SNX29: variants seen among roughly 807,000 people sequenced by gnomAD.
SNX29 encodes sorting nexin-29.
SNX29 carries 78 observed loss-of-function variants against 102.1 expected under a neutral mutation model. The ratio of observed to expected loss-of-function variants is 0.76; its 90% CI spans 0.64 to 0.92. The LOEUF (loss-of-function observed/expected upper bound fraction) is 0.92, where lower values mean the gene tolerates loss of function less well. SNX29 is among the 40% of genes least tolerant of loss of function. The pLI is 0.00. For missense variants in SNX29, 1,280 were observed against 1,061.7 expected (o/e 1.21, Z -2.86); for synonymous variants, 580 against 414.5 (o/e 1.40, Z -4.85).
At chr16:12,136,291 T>C (rs1376407066) in intron 13 of SNX29, among the ~76,000 whole-genome samples, 1 of 152,224 alleles carries the variant, frequency 6.6e-6, no homozygotes, top group African/African-American at 2.4e-5. Context: ...TAAAGCACCC[T>C]GTTGATGCGT....
chr16:12,569,119 TTGCGGGG>T lies in SNX29; in HGVS notation c.*491_*497del, dbSNP rs2079129800. The T allele has an allele frequency of 1.1e-4, 2 of 17,866 alleles. No homozygotes were observed. The highest frequency in any genetic ancestry group is 2.3e-4 in the East Asian group (1 of 4,318). 1.1% of individuals were successfully genotyped at this position (17,866 alleles called of 1,614,324 possible). A position where few individuals can be genotyped will look rare whatever the true frequency, so the allele number is the denominator to read the frequency against. On this transcript the variant is annotated 3_prime_UTR_variant, in exon 21 of 21. Transcript: ENST00000566228. ...TGGCCTAACCTAGGGATGGCTGGCTTTGCGGGGGGGGGGGGGGGGGGGGGCATGGTTC... is the reference window on the plus strand; with the variant it reads ...TGGCCTAACCTAGGGATGGCTGGCTTGGGGGGGGGGGGGGGGGCATGGTTC...
chr16:12,263,160 C>T (rs1487592930), intron 14 of SNX29, among the ~76,000 whole-genome samples: 4 of 143,090 alleles, frequency 2.8e-5, no homozygotes, highest in African/African-American at 7.9e-5. Flanking sequence ...GAGACAGGAT[C>T]TCACTCTGTC....
At chr16:12,238,778 C>T (rs976386690) in intron 14 of SNX29, among the ~76,000 whole-genome samples, 2 of 152,192 alleles carry the variant, frequency 1.3e-5, no homozygotes, top group African/African-American at 4.8e-5. Context: ...AACAACGTAT[C>T]TTTCCTAGAA....
At chr16:12,530,930 A>G (rs2076915363) in intron 20 of SNX29, among the ~76,000 whole-genome samples, 1 of 152,122 alleles carries the variant, frequency 6.6e-6, no homozygotes, top group Non-Finnish European at 1.5e-5. Context: ...CTGTTTCATA[A>G]TTTATTTCAC....
At chr16:12,564,656 G>A (rs2078916232) in intron 20 of SNX29, among the ~76,000 whole-genome samples, 1 of 152,164 alleles carries the variant, frequency 6.6e-6, no homozygotes, top group South Asian at 2.1e-4. Context: ...GAGCAGGAAT[G>A]GAACATATCT....
rs183772469 is a variant in SNX29, at chr16:12,302,722, T to C, written c.1782+24686T>C. 8.0e-4 allele frequency among the ~76,000 whole-genome samples: 122 copies of C among 152,372 alleles called. 2 individuals are homozygous for C. The highest frequency in any genetic ancestry group is 1.2e-3 in the Admixed American group (18 of 15,312). On this transcript the variant is annotated intron_variant, in intron 15 of 20. Transcript: ENST00000566228. ...GGGAACACAAACATTCAGACCATAG[T>C]TTCTCCTGTTCTTTCACTTTGGAAA...
intron 1 of SNX29, among the ~76,000 whole-genome samples, chr16:11,994,163 T>C (rs1185341269): frequency 6.6e-6 from 1 of 152,074 alleles, no homozygotes; most frequent in Non-Finnish European, 1.5e-5. Context: ...GAGACCCAAC[T>C]AGGTGACTGA....
intron 3 of SNX29, among the ~76,000 whole-genome samples, chr16:12,007,526 G>A (rs2056497173): frequency 6.6e-6 from 1 of 152,010 alleles, no homozygotes; most frequent in Non-Finnish European, 1.5e-5. Context: ...AAAAGAAGAA[G>A]AAAGTTGAAT....
At chr16:12,559,267 A>C (rs1405398811) in intron 20 of SNX29, among the ~76,000 whole-genome samples, 2 of 152,204 alleles carry the variant, frequency 1.3e-5, no homozygotes, top group Non-Finnish European at 2.9e-5. Flanking sequence ...TCTGCCTGTC[A>C]GATCAGCAGC....
chr16:12,173,270 G>A (rs953028549), intron 13 of SNX29, among the ~76,000 whole-genome samples: 9 of 152,186 alleles, frequency 5.9e-5, no homozygotes, highest in Non-Finnish European at 1.2e-4. Flanking sequence ...CTTGCAGAGA[G>A]TTACATTCGT....
At position 12,542,886 on chromosome 16, in the gene SNX29, A is replaced by G. The variant is rs118086015; in HGVS notation, c.2318+18045A>G. ...AAATGTCTGAGTCTCTAGAGGTCCCAGAAACATGATTTGAGTAGGGAATCT... is the reference window on the plus strand; with the variant it reads ...AAATGTCTGAGTCTCTAGAGGTCCCGGAAACATGATTTGAGTAGGGAATCT... On this transcript the variant is annotated intron_variant, in intron 20 of 20. Coordinates refer to ENST00000566228, the MANE Select transcript of SNX29 (RefSeq NM_032167.5). Among the ~76,000 whole-genome samples the G allele has an allele frequency of 4.4e-3, 674 of 152,304 alleles. 7 individuals carry two copies. The highest frequency in any genetic ancestry group is 0.017 in the Middle Eastern group (5 of 294).
chr16:12,304,280 A>G (rs2080270652), intron 15 of SNX29, among the ~76,000 whole-genome samples: 1 of 151,836 alleles, frequency 6.6e-6, no homozygotes, highest in Non-Finnish European at 1.5e-5. Context: ...TTGGTTCGGA[A>G]CTTACTGTTG....
At chr16:12,390,815 C>T (rs2083502950) in intron 16 of SNX29, among the ~76,000 whole-genome samples, 1 of 151,092 alleles carries the variant, frequency 6.6e-6, no homozygotes, top group Non-Finnish European at 1.5e-5. Flanking sequence ...AGTGGAGTGG[C>T]TTATTCTCGG....
chr16:11,995,214 C>T (rs1213586296), intron 1 of SNX29, among the ~76,000 whole-genome samples: 5 of 152,176 alleles, frequency 3.3e-5, no homozygotes, highest in South Asian at 2.1e-4. Context: ...TACAGGCGCC[C>T]GTCACCACAC....
chr16:12,314,449 C>T (rs2080666167), intron 15 of SNX29, among the ~76,000 whole-genome samples: 2 of 152,242 alleles, frequency 1.3e-5, no homozygotes, highest in Non-Finnish European at 2.9e-5. Flanking sequence ...TCCGTGACTT[C>T]CTAGCCGTGT....
At chr16:12,333,290 A>G (rs1254686002) in intron 15 of SNX29, among the ~76,000 whole-genome samples, 1 of 151,808 alleles carries the variant, frequency 6.6e-6, no homozygotes, top group East Asian at 1.9e-4. Flanking sequence ...GTATTTTAGT[A>G]GAGATGGGAT....
chr16:12,365,800 T>A (rs1184429611), intron 16 of SNX29, among the ~76,000 whole-genome samples: 3 of 151,518 alleles, frequency 2.0e-5, no homozygotes, highest in African/African-American at 7.3e-5. Flanking sequence ...CCCAGCACTT[T>A]GGGAGGCCGA....
chr16:12,535,711 C>G (rs924642527), intron 20 of SNX29, among the ~76,000 whole-genome samples: 2 of 152,202 alleles, frequency 1.3e-5, no homozygotes, highest in African/African-American at 4.8e-5. Flanking sequence ...TCCTCTGTGC[C>G]CCTTGTAAAC....
At chr16:12,401,923 C>G (rs1171269233) in intron 17 of SNX29, among the ~76,000 whole-genome samples, 2 of 152,168 alleles carry the variant, frequency 1.3e-5, no homozygotes, top group Non-Finnish European at 2.9e-5. Flanking sequence ...AACCATTTAA[C>G]CCAGGCTGGG....
Sources: allele counts gnomAD v4.1 joint callset (sites outside exome capture counted in the v4.1 genomes callset), GRCh38; gene constraint gnomAD v4.1.1; transcripts MANE v1.5; gene names NCBI Gene and HGNC (gene_info 2026-07-23, HGNC 2026-07-21).